The following LAMC1 variants were observed in gnomAD, a reference collection of about 807,000 sequenced individuals.
LAMC1 encodes the protein laminin subunit gamma 1.
Under a neutral mutation model 173.6 loss-of-function variants are expected in LAMC1, and 38 were observed. The observed-to-expected ratio is 0.22, with a 90% CI of 0.17 to 0.29. LAMC1 has a LOEUF of 0.29. Among genes scored for constraint, LAMC1 ranks in the 10% least tolerant of loss-of-function variants. The pLI, the probability that LAMC1 is intolerant of heterozygous loss-of-function variation, is 1.00. For missense variants in LAMC1, 1,824 were observed against 2,051.8 expected (o/e 0.89, Z 2.14); for synonymous variants, 746 against 749.1 (o/e 1.00, Z 0.07).
At chr1:183,118,228 T>A in intron 11 of LAMC1, 82 bp downstream of exon 11, 1 of 785,250 alleles carries the variant, frequency 1.3e-6, no homozygotes. Flanking sequence ...AGTTTCTCTT[T>A]CCTAATAATA....
At chr1:183,070,188 ATC>A (rs1175942658) in intron 1 of LAMC1, among the ~76,000 whole-genome samples, 1 of 152,174 alleles carries the variant, frequency 6.6e-6, no homozygotes, top group Non-Finnish European at 1.5e-5. Context: ...ATAAAGTTCA[ATC>A]TGTGATTCAC....
At chr1:183,034,209 A>G (rs79489652) in intron 1 of LAMC1, among the ~76,000 whole-genome samples, 3,229 of 152,286 alleles carry the variant, frequency 0.021, 114 homozygotes, top group African/African-American at 0.073. Flanking sequence ...TATCCTAAAG[A>G]TAGATTTATT....
chr1:183,140,245 C>CAAAAAAAAAAAAAAAAAAAAAAAAAA lies in LAMC1; in HGVS notation c.4474-139_4474-138insAAAAAAAAAAAAAAAAAAAAAAAAAA, dbSNP rs56152259. On this transcript the variant is annotated intron_variant, in intron 26 of 27. Coordinates refer to ENST00000258341, the MANE Select transcript of LAMC1 (RefSeq NM_002293.4). ...ATATGAAGATATGCAGCAGCCCCAC[C>CAAAAAAAAAAAAAAAAAAAAAAAAAA]AAAAAAAAAAAAAAAAAAAAGCAAT... Among the ~76,000 whole-genome samples the CAAAAAAAAAAAAAAAAAAAAAAAAAA allele has an allele frequency of 2.1e-4, 11 of 52,916 alleles. 1 individual carries two copies. Among genetic ancestry groups the CAAAAAAAAAAAAAAAAAAAAAAAAAA allele is most frequent in the African/African-American group, 7.1e-4 (10 of 14,136 alleles). 34.7% of individuals were successfully genotyped at this position (52,916 alleles called of 152,430 possible).
chr1:183,074,429 A>G (rs1320198298), intron 1 of LAMC1, among the ~76,000 whole-genome samples: 2 of 152,212 alleles, frequency 1.3e-5, no homozygotes, highest in Non-Finnish European at 2.9e-5. Context: ...AGAAGACAAA[A>G]GCAATAAAGC....
chr1:183,083,432 C>T (rs1454346531), intron 1 of LAMC1, among the ~76,000 whole-genome samples: 1 of 119,046 alleles, frequency 8.4e-6, no homozygotes, highest in African/African-American at 2.9e-5. Context: ...CCATATACTA[C>T]CTGATGTATG....
chr1:183,043,942 C>T (rs1217197948), intron 1 of LAMC1, among the ~76,000 whole-genome samples: 2 of 152,018 alleles, frequency 1.3e-5, no homozygotes, highest in African/African-American at 4.8e-5. Flanking sequence ...ATAATTTTGG[C>T]GATGTCTGTG....
intron 1 of LAMC1, among the ~76,000 whole-genome samples, chr1:183,068,410 G>A (rs551030795): frequency 9.2e-5 from 14 of 152,306 alleles, no homozygotes; most frequent in Middle Eastern, 3.4e-3. Context: ...ATTTAGGTGA[G>A]CATGAAGAAG....
At chr1:183,082,923 A>G (rs1655324015) in intron 1 of LAMC1, among the ~76,000 whole-genome samples, 1 of 152,162 alleles carries the variant, frequency 6.6e-6, no homozygotes, top group Admixed American at 6.5e-5. Context: ...ATCATTTGTA[A>G]TGTTGTGATA....
chr1:183,123,004 A>G (rs967588589), intron 13 of LAMC1, among the ~76,000 whole-genome samples: 3 of 152,108 alleles, frequency 2.0e-5, no homozygotes, highest in African/African-American at 7.2e-5. Context: ...TGTGTCAGCC[A>G]TTTTCTGCTG....
At chr1:183,047,614 G>A (rs1221940798) in intron 1 of LAMC1, among the ~76,000 whole-genome samples, 2 of 152,176 alleles carry the variant, frequency 1.3e-5, no homozygotes, top group South Asian at 2.1e-4. Context: ...AAGTTTTGGG[G>A]ATAGATAGAC....
intron 1 of LAMC1, among the ~76,000 whole-genome samples, chr1:183,035,686 T>C (rs886851587): frequency 6.6e-6 from 1 of 152,180 alleles, no homozygotes; most frequent in Non-Finnish European, 1.5e-5. Flanking sequence ...GAATTTATTA[T>C]GCCAAGCGGA....
At chr1:183,065,016 A>G (rs796189753) in intron 1 of LAMC1, among the ~76,000 whole-genome samples, 32 of 152,172 alleles carry the variant, frequency 2.1e-4, no homozygotes, top group African/African-American at 7.0e-4. Flanking sequence ...AAATGTGCAA[A>G]CTCCACAAAG....
chr1:183,135,360 T>A (rs751510963), intron 24 of LAMC1, among the ~76,000 whole-genome samples: 2 of 152,198 alleles, frequency 1.3e-5, no homozygotes, highest in Non-Finnish European at 2.9e-5. Flanking sequence ...GATGTTTTCT[T>A]ATTAGGCAAA....
rs564376149 is a variant in LAMC1 at position 183,079,570 on chromosome 1, G to C, written c.419-23758G>C. The stretch of plus-strand genomic sequence containing the variant: ...AGCCTCCCAAGTAGCTGGGATTACA[G>C]GTGTGAGCCACTGCACGTGCCCAGC... On this transcript the variant is annotated intron_variant, in intron 1 of 27. Transcript: ENST00000258341. Among the ~76,000 whole-genome samples the C allele has an allele frequency of 1.6e-4, 25 of 152,222 alleles. No individual in the cohort carries two copies. The East Asian group carries it at 4.4e-3, about 27-fold the overall frequency.
intron 2 of LAMC1, 76 bp downstream of exon 2, chr1:183,103,708 C>T: frequency 7.7e-7 from 1 of 1,301,842 alleles, no homozygotes; most frequent in Non-Finnish European, 1.1e-6. Flanking sequence ...TGTAGTGGGG[C>T]TTGTGGTCCC....
At chr1:183,086,869 C>A (rs1015156422) in intron 1 of LAMC1, among the ~76,000 whole-genome samples, 4 of 152,062 alleles carry the variant, frequency 2.6e-5, no homozygotes, top group Non-Finnish European at 4.4e-5. Flanking sequence ...TAGCATTTCT[C>A]TAGAACATTA....
chr1:183,071,745 CAT>C (rs545179542), intron 1 of LAMC1, among the ~76,000 whole-genome samples: 5 of 152,216 alleles, frequency 3.3e-5, no homozygotes, highest in Admixed American at 6.5e-5. Context: ...CACTGCCTAA[CAT>C]GACCCTCAAG....
Position 183,125,293 on chromosome 1 carries a change from C to T in LAMC1, c.2648-104C>T, listed in dbSNP as rs1656589087. The T allele has an allele frequency of 3.1e-6, 4 of 1,271,128 alleles. No homozygotes were observed. In the South Asian group the frequency reaches 5.0e-5, roughly 16 times the overall value. The allele number at this position is 1,271,128 out of a possible 1,614,324, so 78.7% of individuals were successfully genotyped here. On this transcript the variant is annotated intron_variant, in intron 14 of 27. Coordinates refer to ENST00000258341, the MANE Select transcript of LAMC1 (RefSeq NM_002293.4). Reference sequence around the variant, plus strand: ...CAGTAGCCACATGTGACAGCAGCTACCAACCTGGCAACACAGGTCTAAAGA... The same window carrying T: ...CAGTAGCCACATGTGACAGCAGCTATCAACCTGGCAACACAGGTCTAAAGA...
Position 183,023,597 on chromosome 1 carries a change from G to A in LAMC1, c.-120G>A, listed in dbSNP as rs1653594098. 2 of 747,178 alleles carry A rather than the reference G, an allele frequency of 2.7e-6. No individual in the cohort carries two copies. Among genetic ancestry groups the A allele is most frequent in the Non-Finnish European group, 3.4e-6 (2 of 580,878 alleles). The allele number at this position is 747,178 out of a possible 1,614,324, so 46.3% of individuals were successfully genotyped here. A position where few individuals can be genotyped will look rare whatever the true frequency, so the allele number is the denominator to read the frequency against. ...GCGAGCCGCCGCCACCGCCCGCGCC[G>A]GAGTCAGGCCCCTGGGCCCCCAGGC... On this transcript the variant is annotated 5_prime_UTR_variant, in exon 1 of 28. Transcript: ENST00000258341.
Sources: allele counts gnomAD v4.1 joint callset (sites outside exome capture counted in the v4.1 genomes callset), GRCh38; gene constraint gnomAD v4.1.1; transcripts MANE v1.5; gene names NCBI Gene and HGNC (gene_info 2026-07-23, HGNC 2026-07-21).